The following NTAN1 variants were observed in gnomAD, a reference collection of about 807,000 sequenced individuals.
The protein encoded by NTAN1 is N-terminal asparagine amidase.
In NTAN1, 32 loss-of-function variants were observed where a neutral mutation model predicts 41.9. The ratio of observed to expected loss-of-function variants is 0.76; its 90% CI spans 0.58 to 1.03. The LOEUF (loss-of-function observed/expected upper bound fraction) is 1.03, where lower values mean the gene tolerates loss of function less well. Ranked by LOEUF, NTAN1 falls within the 50% of genes least tolerant of loss-of-function variation. The probability of loss-of-function intolerance (pLI) is 0.00; values close to 1 mark genes in which losing one functional copy is unlikely to be tolerated. For missense variants in NTAN1, 377 were observed against 377.5 expected (o/e 1.00, Z 0.01); for synonymous variants, 140 against 139.5 (o/e 1.00, Z -0.03).
At chr16:15,043,111 G>C (rs2043896650) in intron 5 of NTAN1, among the ~76,000 whole-genome samples, 1 of 152,082 alleles carries the variant, frequency 6.6e-6, no homozygotes, top group African/African-American at 2.4e-5. Context: ...TGTTGGTCAG[G>C]CTGGTCTTGA....
At chr16:15,048,235 G>C in intron 1 of NTAN1, 136 bp from the exon 2 acceptor site, 1 of 625,022 alleles carries the variant, frequency 1.6e-6, no homozygotes, top group Non-Finnish European at 2.8e-6. Context: ...GGACAGAGAG[G>C]CTCAAAGAAA....
chr16:15,048,341 C>T (rs1485325419), intron 1 of NTAN1, among the ~76,000 whole-genome samples: 1 of 152,112 alleles, frequency 6.6e-6, no homozygotes, highest in African/African-American at 2.4e-5. Flanking sequence ...GTCATAGTAA[C>T]CTATGAAATG....
chr16:15,054,574 G>A (rs1484784064), intron 1 of NTAN1, among the ~76,000 whole-genome samples: 2 of 152,196 alleles, frequency 1.3e-5, no homozygotes, highest in Non-Finnish European at 2.9e-5. Flanking sequence ...CTAGCTCGGT[G>A]CATGTTGGCT....
rs1037163197 is a variant in NTAN1 at position 15,038,320 on chromosome 16, C to T, written c.754-110G>A. On this transcript the variant is annotated intron_variant, in intron 9 of 9. Coordinates refer to ENST00000287706, the MANE Select transcript of NTAN1 (RefSeq NM_173474.4). ...GGACACAAATATATATAATAAAATA[C>T]GTTAAGAAATGAGGTGGCCTGAATT... The T allele has an allele frequency of 2.0e-5, 16 of 801,448 alleles. No homozygotes were observed. In the African/African-American group the frequency reaches 2.1e-4, roughly 11 times the overall value. 49.6% of individuals were successfully genotyped at this position (801,448 alleles called of 1,614,324 possible). A position where few individuals can be genotyped will look rare whatever the true frequency, so the allele number is the denominator to read the frequency against.
Position 15,038,619 on chromosome 16 carries a change from T to C in NTAN1, c.708A>G (p.Pro236=). ...CTTGGTGCAACCAGAAATCCACATGTGGAAATGGTGTCCAGGAGTACGGTC... is the reference window on the plus strand; with the variant it reads ...CTTGGTGCAACCAGAAATCCACATGCGGAAATGGTGTCCAGGAGTACGGTC... The part of the protein sequence containing the change: ...RIGPYSWTPF[P]HVDFWLHQDD... Residue 236 remains proline (P), a synonymous_variant, in exon 9 of 10, where the codon CCA becomes CCG. Transcript: ENST00000287706. The C allele has an allele frequency of 6.2e-7, 1 of 1,609,698 alleles. No homozygotes were observed. Among genetic ancestry groups the C allele is most frequent in the Non-Finnish European group, 8.5e-7 (1 of 1,176,120 alleles).
intron 4 of NTAN1, 116 bp downstream of exon 4, chr16:15,047,326 C>G (rs760105095): frequency 2.3e-5 from 17 of 723,796 alleles, no homozygotes; most frequent in Non-Finnish European, 4.2e-5. Flanking sequence ...TCCAGGGGAA[C>G]GAGGCAGACA....
chr16:15,041,489 C>T lies in NTAN1; in HGVS notation c.487+134G>A. The stretch of plus-strand genomic sequence containing the variant: ...AAGGGGAAGGGGAAGGCCATCCCAC[C>T]ACAGGAAGAGCCGGAACAGATGGTG... On this transcript the variant is annotated intron_variant, in intron 6 of 9. Transcript: ENST00000287706. 4.0e-6 allele frequency: 3 copies of T among 756,484 alleles called. No homozygotes were observed. In the South Asian group the frequency reaches 4.3e-5, roughly 11 times the overall value. The allele number at this position is 756,484 out of a possible 1,614,324, so 46.9% of individuals were successfully genotyped here. A position where few individuals can be genotyped will look rare whatever the true frequency, so the allele number is the denominator to read the frequency against.
intron 1 of NTAN1, 71 bp from the exon 2 acceptor site, chr16:15,048,170 G>A: frequency 9.3e-7 from 1 of 1,078,132 alleles, no homozygotes; most frequent in Non-Finnish European, 1.4e-6. Flanking sequence ...GATGTGGAGA[G>A]AGCCAAAGTG....
At chr16:15,038,759 G>A in intron 8 of NTAN1, 72 bp from the exon 9 acceptor site, 1 of 786,876 alleles carries the variant, frequency 1.3e-6, no homozygotes. Flanking sequence ...AGTAACGCAA[G>A]CTCCAGTGTA....
intron 1 of NTAN1, among the ~76,000 whole-genome samples, chr16:15,055,083 A>G (rs144494487): frequency 6.6e-6 from 1 of 152,212 alleles, no homozygotes; most frequent in East Asian, 1.9e-4. Flanking sequence ...TGCCCAACAG[A>G]TATTAGGGGC....
At position 15,047,451 on chromosome 16, in the gene NTAN1, T is replaced by C; in HGVS notation, c.350A>G (p.Gln117Arg). 6.2e-7 allele frequency: 1 copy of C among 1,601,316 alleles called. No individual in the cohort carries two copies. Among genetic ancestry groups the C allele is most frequent in the Non-Finnish European group, 8.6e-7 (1 of 1,168,322 alleles). The stretch of plus-strand genomic sequence containing the variant: ...GCAGCGTAGATCTCACCTTCCACAT[T>C]GAGCGTGGTCAGAAAAGGATTTTAT... ...NSIKSFSDHAQCGRLEVHLVG... is the reference protein window; with the variant it reads ...NSIKSFSDHARCGRLEVHLVG... The change falls in exon 4 of 10, where the codon CAA (glutamine) becomes CGA (arginine). Residue 117 changes from glutamine to arginine, a missense_variant. Physicochemically the swap from Gln to Arg is conservative, Grantham distance 43. Coordinates refer to ENST00000287706, the MANE Select transcript of NTAN1 (RefSeq NM_173474.4).
chr16:15,048,624 C>T (rs2151718377), intron 1 of NTAN1, among the ~76,000 whole-genome samples: 1 of 152,088 alleles, frequency 6.6e-6, no homozygotes, highest in Middle Eastern at 3.4e-3. Context: ...AAATCACATC[C>T]CCTCTTTTTT....
intron 5 of NTAN1, among the ~76,000 whole-genome samples, chr16:15,043,808 T>G (rs2043932118): frequency 6.6e-6 from 1 of 151,662 alleles, no homozygotes; most frequent in Non-Finnish European, 1.5e-5. Flanking sequence ...ATTAGGTGGG[T>G]GTGGTGGCGC....
chr16:15,041,389 A>G (rs1440463531), intron 6 of NTAN1, among the ~76,000 whole-genome samples: 1 of 152,022 alleles, frequency 6.6e-6, no homozygotes, highest in Non-Finnish European at 1.5e-5. Flanking sequence ...AGCTCCTCTG[A>G]GATCCAGTGC....
At chr16:15,042,855 C>T (rs560904534) in intron 5 of NTAN1, among the ~76,000 whole-genome samples, 1 of 151,978 alleles carries the variant, frequency 6.6e-6, no homozygotes, top group African/African-American at 2.4e-5. Context: ...GCCTCAGCCT[C>T]CTGAATAGCT....
chr16:15,040,164 G>C (rs2151687659), intron 7 of NTAN1, 98 bp from the exon 8 acceptor site: 1 of 672,016 alleles, frequency 1.5e-6, no homozygotes, highest in Non-Finnish European at 2.6e-6. Flanking sequence ...GAGAAAGATA[G>C]GAAAGTGAAC....
Position 15,047,524 on chromosome 16 carries a change from AAT to A in NTAN1, c.275_276del (p.His92LeufsTer2). 1 of 1,613,982 alleles carries A rather than the reference AAT, an allele frequency of 6.2e-7. No homozygotes were observed. The highest frequency in any genetic ancestry group is 2.2e-5 in the East Asian group (1 of 44,886). The part of the protein sequence containing the change: ...HTGNGATCLT[H>X]CDGTDTKAEV... ...TCAGCTTTGGTGTCGGTTCCGTCAC[AAT>A]GTGTCAAGCAGGTGGCCCCATTACC... On this transcript the variant is annotated frameshift_variant, in exon 4 of 10. Coordinates refer to ENST00000287706, the MANE Select transcript of NTAN1 (RefSeq NM_173474.4). LOFTEE classifies it high-confidence loss of function.
chr16:15,041,260 C>T, intron 6 of NTAN1, 139 bp from the exon 7 acceptor site: 1 of 681,912 alleles, frequency 1.5e-6, no homozygotes, highest in South Asian at 1.7e-5. Flanking sequence ...GGATTGTGGC[C>T]CTGTTTCCCT....
intron 4 of NTAN1, 75 bp downstream of exon 4, chr16:15,047,367 C>G: frequency 1.0e-6 from 1 of 969,252 alleles, no homozygotes; most frequent in Non-Finnish European, 1.7e-6. Context: ...GTTCCCCTAA[C>G]AGCTTCCACA....
Sources: gnomAD v4.1 joint callset for allele counts (sites outside exome capture counted in the v4.1 genomes callset) on GRCh38, gnomAD v4.1.1 for gene constraint, MANE v1.5 for transcripts, NCBI Gene and HGNC (gene_info 2026-07-23, HGNC 2026-07-21) for gene names.